The following NECAB2 variants were observed in gnomAD, a reference collection of about 807,000 sequenced individuals.
NECAB2 encodes the protein N-terminal EF-hand calcium binding protein 2, also known as N-terminal EF-hand calcium-binding protein 2.
In NECAB2, 68 loss-of-function variants were observed where a neutral mutation model predicts 51.9. That is an observed-to-expected ratio of 1.31 (90% CI 1.08 to 1.60). NECAB2 has a LOEUF of 1.60. Among genes scored for constraint, NECAB2 ranks in the 40% most tolerant of loss-of-function variants. The pLI is 0.00. For missense variants in NECAB2, 854 were observed against 490.3 expected (o/e 1.74, Z -7.00); for synonymous variants, 329 against 203.5 (o/e 1.62, Z -5.25).
rs1294076929 is a variant in NECAB2 at position 83,997,478 on chromosome 16, CCTTTTT to C, written c.849+210_849+215del. On this transcript the variant is annotated intron_variant, in intron 9 of 12. Coordinates refer to ENST00000305202, the MANE Select transcript of NECAB2 (RefSeq NM_019065.3). The stretch of plus-strand genomic sequence containing the variant: ...GGGGTATTTCTTGAGGCTCCCTGGA[CCTTTTT>C]TTTTTTTTTTTTTTTTTTTTTGAGA... Among the ~76,000 whole-genome samples, 396 of 105,110 alleles carry C rather than the reference CCTTTTT, an allele frequency of 3.8e-3. 4 individuals are homozygous for C. Among genetic ancestry groups the C allele is most frequent in the African/African-American group, 0.013 (381 of 30,108 alleles). The allele number at this position is 105,110 out of a possible 152,430, so 69.0% of individuals were successfully genotyped here.
chr16:84,001,569 G>A (rs1450746076), intron 11 of NECAB2, among the ~76,000 whole-genome samples: 2 of 152,106 alleles, frequency 1.3e-5, no homozygotes, highest in African/African-American at 2.4e-5. Context: ...AAAGGGGGAG[G>A]TAGAGGCTCT....
intron 8 of NECAB2, 21 bp from the exon 9 acceptor site, chr16:83,997,195 C>G (rs777754040): frequency 1.2e-6 from 2 of 1,614,004 alleles, no homozygotes; most frequent in Admixed American, 1.7e-5. Context: ...TCTAGCATCA[C>G]TGTGTGCTGG....
intron 8 of NECAB2, among the ~76,000 whole-genome samples, chr16:83,995,738 C>G (rs571160784): frequency 6.6e-6 from 1 of 152,258 alleles, no homozygotes; most frequent in East Asian, 1.9e-4. Context: ...AGGGGCTCCC[C>G]GCATGGAGGG....
At chr16:83,978,642 T>A in intron 3 of NECAB2, 90 bp downstream of exon 3, 1 of 1,146,612 alleles carries the variant, frequency 8.7e-7, no homozygotes, top group Non-Finnish European at 1.3e-6. Context: ...TAGTCCCCTG[T>A]AAGGGGCAGG....
intron 8 of NECAB2, among the ~76,000 whole-genome samples, chr16:83,996,871 A>G (rs1253583274): frequency 2.0e-5 from 3 of 152,144 alleles, no homozygotes; most frequent in Admixed American, 6.5e-5. Context: ...AGTTCACCCC[A>G]TTAGATCCCT....
chr16:84,000,794 T>G lies in NECAB2; in HGVS notation c.1033T>G (p.Trp345Gly). The change falls in exon 11 of 13, where the codon TGG (tryptophan) becomes GGG (glycine). Residue 345 changes from tryptophan to glycine, a missense_variant. Transcript: ENST00000305202. ...TGAGTTCTGGGAGACAGAGGAGGCGTGGAAGAGGTGAGATGCTGGGTCCCC... is the reference window on the plus strand; with the variant it reads ...TGAGTTCTGGGAGACAGAGGAGGCGGGGAAGAGGTGAGATGCTGGGTCCCC... ...IYEFWETEEA[W>G]KRHLQSPLCK... 1 of 1,613,404 alleles carries G rather than the reference T, an allele frequency of 6.2e-7. No individual in the cohort carries two copies. The highest frequency in any genetic ancestry group is 8.5e-7 in the Non-Finnish European group (1 of 1,179,886).
chr16:84,000,053 G>GTTT lies in NECAB2; in HGVS notation c.963-669_963-667dup, dbSNP rs201968912. Among the ~76,000 whole-genome samples the GTTT allele has an allele frequency of 4.7e-3, 578 of 123,792 alleles. 2 individuals are homozygous for GTTT. The highest frequency in any genetic ancestry group is 0.034 in the African/African-American group (551 of 16,334). The allele number at this position is 123,792 out of a possible 152,430, so 81.2% of individuals were successfully genotyped here. A position where few individuals can be genotyped will look rare whatever the true frequency, so the allele number is the denominator to read the frequency against. On this transcript the variant is annotated intron_variant, in intron 10 of 12. Transcript: ENST00000305202. ...AGGGATGTGCCACCAGGCCCAGCAA[G>GTTT]TTTTATTTTTTTTTTTTTTAAAGAG...
At position 83,997,281 on chromosome 16, in the gene NECAB2, T is replaced by G. The variant is rs746368597; in HGVS notation, c.849+12T>G. ...ATGGCACCAACATGGTGAGGCCCCTTCCCACCTCTCTTCTGGGACCACATC... is the reference window on the plus strand; with the variant it reads ...ATGGCACCAACATGGTGAGGCCCCTGCCCACCTCTCTTCTGGGACCACATC... On this transcript the variant is annotated intron_variant, in intron 9 of 12. Transcript: ENST00000305202. 2 of 1,613,982 alleles carry G rather than the reference T, an allele frequency of 1.2e-6. No individual in the cohort carries two copies. Among genetic ancestry groups the G allele is most frequent in the South Asian group, 2.2e-5 (2 of 91,064 alleles).
upstream of NECAB2, chr16:83,965,422 G>A (rs375257718): frequency 4.4e-5 from 69 of 1,581,608 alleles, no homozygotes; most frequent in African/African-American, 2.0e-4. Context: ...CGGTGACCCC[G>A]GCCTCAGACC....
chr16:83,999,467 T>A (rs1030142597), intron 10 of NECAB2, among the ~76,000 whole-genome samples: 4 of 151,962 alleles, frequency 2.6e-5, no homozygotes, highest in African/African-American at 7.3e-5. Flanking sequence ...GAGAGCCAGG[T>A]GAGATTCTAC....
upstream of NECAB2, chr16:83,965,795 G>A (rs755519721): frequency 1.9e-6 from 3 of 1,613,022 alleles, no homozygotes; most frequent in African/African-American, 4.0e-5. Flanking sequence ...CCTGCCTGGG[G>A]CAGGGGCTGA....
At chr16:83,969,095 A>C (rs538683140) in intron 1 of NECAB2, among the ~76,000 whole-genome samples, 1 of 149,912 alleles carries the variant, frequency 6.7e-6, no homozygotes, top group Non-Finnish European at 1.5e-5. Flanking sequence ...CGCTTCTCGG[A>C]GTCCCTGCCT....
Position 83,995,000 on chromosome 16 carries a change from A to G in NECAB2, c.795+312A>G, listed in dbSNP as rs371076660. ...GCAGGGTCCCGTGTTGCAAGGCCCT[A>G]GCTTCAAGGAGACTTTGCTCTGAAG... On this transcript the variant is annotated intron_variant, in intron 8 of 12. Coordinates refer to ENST00000305202, the MANE Select transcript of NECAB2 (RefSeq NM_019065.3). 1.8e-3 allele frequency among the ~76,000 whole-genome samples: 275 copies of G among 152,298 alleles called. 1 individual carries two copies. The highest frequency in any genetic ancestry group is 6.1e-3 in the African/African-American group (254 of 41,572).
At chr16:83,999,008 A>C (rs2084767193) in intron 10 of NECAB2, among the ~76,000 whole-genome samples, 1 of 151,982 alleles carries the variant, frequency 6.6e-6, no homozygotes, top group South Asian at 2.1e-4. Flanking sequence ...GCTCTGCCCA[A>C]CTCCCTTCCC....
intron 2 of NECAB2, among the ~76,000 whole-genome samples, chr16:83,976,059 G>A (rs1403805745): frequency 6.6e-6 from 1 of 152,182 alleles, no homozygotes; most frequent in Non-Finnish European, 1.5e-5. Context: ...CTGGCTGCCT[G>A]CTCTCCCTGT....
In NECAB2 at chr16:83,968,580, C is replaced by G. The variant is rs905616176; in HGVS notation, c.-69C>G. 1 of 965,560 alleles carries G rather than the reference C, an allele frequency of 1.0e-6. No individual in the cohort carries two copies. The highest frequency in any genetic ancestry group is 1.2e-6 in the Non-Finnish European group (1 of 815,456). 59.8% of individuals were successfully genotyped at this position (965,560 alleles called of 1,614,324 possible). A position where few individuals can be genotyped will look rare whatever the true frequency, so the allele number is the denominator to read the frequency against. ...GGCGCGGGCAGCGCGGGGAGGGGGT[C>G]GCGCGGGGGCGGGCCGCAGCTGGGC... On this transcript the variant is annotated 5_prime_UTR_variant, in exon 1 of 13. Transcript: ENST00000305202.
chr16:83,989,453 C>T (rs2084594618), intron 5 of NECAB2, among the ~76,000 whole-genome samples: 1 of 152,318 alleles, frequency 6.6e-6, no homozygotes, highest in South Asian at 2.1e-4. Context: ...CTAATTAATT[C>T]CCAGTCAGAG....
chr16:83,967,740 A>ATGGATGGATGGG (rs1567660260), upstream of NECAB2, among the ~76,000 whole-genome samples: 12 of 128,042 alleles, frequency 9.4e-5, no homozygotes, highest in Non-Finnish European at 1.6e-4. Context: ...GGATGGATGG[A>ATGGATGGATGGG]TGGATGGGAG....
Position 83,990,625 on chromosome 16 carries a change from G to A in NECAB2, c.591G>A (p.Gln197=), listed in dbSNP as rs374585682. Residue 197 remains glutamine, a synonymous_variant, in exon 6 of 13, where the codon CAG becomes CAA. Transcript: ENST00000305202. ...AVEAIEEQTS[Q]LRQNHIKPSH... Reference sequence around the variant, plus strand: ...AGGCCATCGAGGAACAGACCAGCCAGCTCCGGTGAGTCTCTGAGACCCTGC... The same window carrying A: ...AGGCCATCGAGGAACAGACCAGCCAACTCCGGTGAGTCTCTGAGACCCTGC... 1 of 1,614,052 alleles carries A rather than the reference G, an allele frequency of 6.2e-7. No homozygotes were observed. Among genetic ancestry groups the A allele is most frequent in the Non-Finnish European group, 8.5e-7 (1 of 1,180,016 alleles).
Sources: gnomAD v4.1 joint callset for allele counts (sites outside exome capture counted in the v4.1 genomes callset) on GRCh38, gnomAD v4.1.1 for gene constraint, MANE v1.5 for transcripts, NCBI Gene and HGNC (gene_info 2026-07-23, HGNC 2026-07-21) for gene names.